The following DSCAML1 variants were observed in gnomAD, a reference collection of about 807,000 sequenced individuals.
DSCAML1 encodes the protein cell adhesion molecule DSCAML1.
Under a neutral mutation model 200.5 loss-of-function variants are expected in DSCAML1, and 38 were observed. That is an observed-to-expected ratio of 0.19 (90% confidence interval 0.15 to 0.25). The LOEUF is 0.25. DSCAML1 is among the 10% of genes least tolerant of loss of function. The pLI is 1.00. For synonymous variants in DSCAML1, 1,215 were observed against 1,165.0 expected, an observed-to-expected ratio of 1.04 and a Z score of -0.87; for missense variants, 2,223 against 2,858.8, an observed-to-expected ratio of 0.78 and a Z score of 5.07.
chr11:117,791,439 A>C (rs1203712620), intron 1 of DSCAML1, among the ~76,000 whole-genome samples: 14 of 152,228 alleles, frequency 9.2e-5, no homozygotes, highest in Non-Finnish European at 4.4e-5. Context: ...ACTCCAGAAT[A>C]GTTCTTACTC....
At chr11:117,456,468 C>T (rs951709751) in intron 19 of DSCAML1, among the ~76,000 whole-genome samples, 4 of 152,120 alleles carry the variant, frequency 2.6e-5, no homozygotes, top group Admixed American at 6.5e-5. Context: ...GTTAGTTGAG[C>T]GGCATTTGGA....
intron 3 of DSCAML1, among the ~76,000 whole-genome samples, chr11:117,765,720 G>T (rs1041061742): frequency 6.6e-6 from 1 of 152,168 alleles, no homozygotes; most frequent in African/African-American, 2.4e-5. Flanking sequence ...TCTCTATACA[G>T]AAAATGAAAG....
chr11:117,705,922 C>T (rs995720104), intron 3 of DSCAML1, among the ~76,000 whole-genome samples: 2 of 152,148 alleles, frequency 1.3e-5, no homozygotes, highest in South Asian at 2.1e-4. Context: ...CCTTGTCCAG[C>T]GCCCTGGGTA....
chr11:117,510,849 G>C (rs989803473), intron 8 of DSCAML1, among the ~76,000 whole-genome samples: 1 of 152,256 alleles, frequency 6.6e-6, no homozygotes, highest in Middle Eastern at 3.4e-3. Context: ...CTTTGTTACT[G>C]GCTCCCTTGG....
chr11:117,507,402 C>A (rs2049522717), intron 8 of DSCAML1, among the ~76,000 whole-genome samples: 1 of 152,188 alleles, frequency 6.6e-6, no homozygotes, highest in Non-Finnish European at 1.5e-5. Context: ...TGGCCCTCCG[C>A]CCTCAGGGCA....
In DSCAML1 at chr11:117,652,738, A is replaced by C. The variant is rs148232335; in HGVS notation, c.512-120216T>G. 7.2e-5 allele frequency among the ~76,000 whole-genome samples: 11 copies of C among 152,314 alleles called. No homozygotes were observed. In the East Asian group the frequency reaches 2.1e-3, roughly 29 times the overall value. ...TCATAAAGTGCCCAGTCACGATGAT[A>C]ACCGTGCGTGCATTGGTAAGGGCTG... On this transcript the variant is annotated intron_variant, in intron 3 of 32. Coordinates refer to ENST00000651296, the MANE Select transcript of DSCAML1 (RefSeq NM_020693.4).
At position 117,428,468 on chromosome 11, in the gene DSCAML1, T is replaced by G; in HGVS notation, c.6022A>C (p.Thr2008Pro). 1 of 1,508,536 alleles carries G rather than the reference T, an allele frequency of 6.6e-7. No homozygotes were observed. 93.4% of individuals were successfully genotyped at this position (1,508,536 alleles called of 1,614,324 possible). A position where few individuals can be genotyped will look rare whatever the true frequency, so the allele number is the denominator to read the frequency against. The change falls in exon 33 of 33, where the codon ACC (threonine) becomes CCC (proline). Residue 2008 changes from threonine (T) to proline (P), a missense_variant. Physicochemically the swap from Thr to Pro is conservative, Grantham distance 38 (BLOSUM62 -1). Coordinates refer to ENST00000651296, the MANE Select transcript of DSCAML1 (RefSeq NM_020693.4). ...APSAAPPAPSTEPPRAGGPHT... is the reference protein window; with the variant it reads ...APSAAPPAPSPEPPRAGGPHT... Reference sequence around the variant, plus strand: ...GGGCCCCCGGCTCGTGGAGGCTCGGTGCTGGGGGCCGGAGGGGCAGCGCTG... The same window carrying G: ...GGGCCCCCGGCTCGTGGAGGCTCGGGGCTGGGGGCCGGAGGGGCAGCGCTG...
chr11:117,814,347 G>A (rs1358566726), intron 1 of DSCAML1, among the ~76,000 whole-genome samples: 1 of 152,292 alleles, frequency 6.6e-6, no homozygotes, highest in African/African-American at 2.4e-5. Flanking sequence ...GTTCATAATT[G>A]GCTAAGCCAG....
chr11:117,736,295 C>T (rs1285022127), intron 3 of DSCAML1, among the ~76,000 whole-genome samples: 2 of 152,150 alleles, frequency 1.3e-5, no homozygotes, highest in Admixed American at 6.5e-5. Context: ...CTCTTCTGGC[C>T]GTTGGCTGGA....
intron 21 of DSCAML1, among the ~76,000 whole-genome samples, chr11:117,442,437 G>T (rs909186823): frequency 1.3e-5 from 2 of 151,730 alleles, no homozygotes; most frequent in Non-Finnish European, 2.9e-5. Flanking sequence ...GTATGTGTGG[G>T]TCTGTGTGTA....
At chr11:117,559,229 ATG>A (rs1442441509) in intron 3 of DSCAML1, among the ~76,000 whole-genome samples, 1 of 152,204 alleles carries the variant, frequency 6.6e-6, no homozygotes, top group African/African-American at 2.4e-5. Context: ...GACCGCCATC[ATG>A]TACAGCTCAG....
chr11:117,551,357 A>G (rs2050463399), intron 3 of DSCAML1, among the ~76,000 whole-genome samples: 1 of 152,194 alleles, frequency 6.6e-6, no homozygotes, highest in South Asian at 2.1e-4. Context: ...CAATCCTGCC[A>G]GATGTATATG....
At chr11:117,511,326 G>C (rs954095649) in intron 8 of DSCAML1, among the ~76,000 whole-genome samples, 2 of 152,134 alleles carry the variant, frequency 1.3e-5, no homozygotes, top group African/African-American at 2.4e-5. Flanking sequence ...CCTTGTTTTG[G>C]CTCAAGAAGC....
At chr11:117,594,726 G>A (rs1164432805) in intron 3 of DSCAML1, among the ~76,000 whole-genome samples, 3 of 152,150 alleles carry the variant, frequency 2.0e-5, no homozygotes, top group African/African-American at 7.2e-5. Context: ...TCCCTGGTGT[G>A]GGGCAGCCTC....
At position 117,469,964 on chromosome 11, in the gene DSCAML1, G is replaced by C. The variant is rs200843949; in HGVS notation, c.2970C>G (p.Pro990=). ...TCACTGGCTGCAAGGTAACATCCAT[G>C]GGGGGCCCATCGGGAGCTGAGCAGG... ...STEEAAPDGP[P]MDVTLQPVTS... Residue 990 remains proline, a synonymous_variant, in exon 16 of 33, where the codon CCC becomes CCG. Coordinates refer to ENST00000651296, the MANE Select transcript of DSCAML1 (RefSeq NM_020693.4). This position sits in a 1 kb window ranked among gnomAD's most constrained non-coding sequence, Gnocchi z 4.1. 1 of 1,605,326 alleles carries C rather than the reference G, an allele frequency of 6.2e-7. No homozygotes were observed. The highest frequency in any genetic ancestry group is 1.3e-5 in the African/African-American group (1 of 74,934).
chr11:117,614,693 C>T (rs2051772948), intron 3 of DSCAML1, among the ~76,000 whole-genome samples: 1 of 152,210 alleles, frequency 6.6e-6, no homozygotes, highest in South Asian at 2.1e-4. Flanking sequence ...AGCCAATCAG[C>T]AGTTAAATTG....
In DSCAML1 at chr11:117,522,646, G is replaced by A. The variant is rs575731929; in HGVS notation, c.938-1241C>T. Among the ~76,000 whole-genome samples, 3 of 152,338 alleles carry A rather than the reference G, an allele frequency of 2.0e-5. No homozygotes were observed. The East Asian group carries it at 5.8e-4, about 29-fold the overall frequency. On this transcript the variant is annotated intron_variant, in intron 5 of 32. Transcript: ENST00000651296. Reference sequence around the variant, plus strand: ...TCCCTACTCGTTTCCCAGAGCCTCTGCCTGCTCTCCAGGAAATGTCAGTGC... The same window carrying A: ...TCCCTACTCGTTTCCCAGAGCCTCTACCTGCTCTCCAGGAAATGTCAGTGC...
intron 3 of DSCAML1, among the ~76,000 whole-genome samples, chr11:117,589,397 C>T (rs1427916129): frequency 3.3e-5 from 5 of 152,088 alleles, no homozygotes; most frequent in African/African-American, 4.8e-5. Flanking sequence ...ACTCTGCAGG[C>T]GGAACACCCC....
In DSCAML1 at chr11:117,516,594, C is replaced by T; in HGVS notation, c.1656G>A (p.Val552=). The change falls in exon 8 of 33, where the codon GTG becomes GTA. Residue 552 remains valine (V), a synonymous_variant. Transcript: ENST00000651296. The surrounding 1 kb of genome is among the most constrained non-coding windows in gnomAD (Gnocchi z 5.7). The part of the protein sequence containing the change: ...ALLLPDNHRQ[V]VFENGTLKLT... ...GCTTGAGGGTCCCATTCTCAAACAC[C>T]ACCTGGCGGTGGTTGTCTGGCAGCA... 6.2e-7 allele frequency: 1 copy of T among 1,614,104 alleles called. No homozygotes were observed. Among genetic ancestry groups the T allele is most frequent in the Non-Finnish European group, 8.5e-7 (1 of 1,180,030 alleles).
Sources: gnomAD v4.1 joint callset for allele counts (sites outside exome capture counted in the v4.1 genomes callset) on GRCh38, gnomAD v4.1.1 for gene constraint, Gnocchi (gnomAD v3.1) non-coding constraint, MANE v1.5 for transcripts, NCBI Gene and HGNC (gene_info 2026-07-23, HGNC 2026-07-21) for gene names.